The following B3GALT1 variants were observed in gnomAD, a reference collection of about 807,000 sequenced individuals.
B3GALT1 encodes the protein beta-1,3-galactosyltransferase 1.
A neutral mutation model predicts 23.2 loss-of-function variants in B3GALT1; 10 were observed. The observed-to-expected ratio is 0.43, with a 90% CI of 0.27 to 0.73. The LOEUF is 0.73. Among genes scored for constraint, B3GALT1 ranks in the 30% least tolerant of loss-of-function variants. The probability of loss-of-function intolerance (pLI) is 0.21; values close to 1 mark genes in which losing one functional copy is unlikely to be tolerated. For synonymous variants in B3GALT1, 156 were observed against 141.5 expected (o/e 1.10, Z -0.73); for missense variants, 299 against 405.4 (o/e 0.74, Z 2.25).
At chr2:167,451,452 ATTG>A (rs1436422813) in intron 1 of B3GALT1, among the ~76,000 whole-genome samples, 1 of 151,876 alleles carries the variant, frequency 6.6e-6, no homozygotes, top group Non-Finnish European at 1.5e-5. Flanking sequence ...AGCTGTAGTG[ATTG>A]TTATCTCTCT....
chr2:167,543,123 A>AG (rs1433231437), intron 2 of B3GALT1, among the ~76,000 whole-genome samples: 3 of 152,150 alleles, frequency 2.0e-5, no homozygotes, highest in East Asian at 1.9e-4. Context: ...TCAATAACAG[A>AG]GGAAAATTAC....
At chr2:167,792,699 G>A (rs1688456950) in intron 3 of B3GALT1, among the ~76,000 whole-genome samples, 1 of 152,072 alleles carries the variant, frequency 6.6e-6, no homozygotes, top group Admixed American at 6.5e-5. Context: ...AATTTGAGTG[G>A]AAAAATAATG....
chr2:167,838,659 C>A (rs1689551802), intron 4 of B3GALT1, among the ~76,000 whole-genome samples: 1 of 152,288 alleles, frequency 6.6e-6, no homozygotes, highest in South Asian at 2.1e-4. Context: ...AAGAGGGAAT[C>A]CTCCCTAACT....
At chr2:167,673,460 T>C (rs532764280) in intron 3 of B3GALT1, among the ~76,000 whole-genome samples, 2 of 152,232 alleles carry the variant, frequency 1.3e-5, no homozygotes, top group African/African-American at 4.8e-5. Flanking sequence ...GTGATAATTA[T>C]TAGATTCTGT....
chr2:167,866,747 G>T (rs1396848331), intron 4 of B3GALT1, among the ~76,000 whole-genome samples: 1 of 152,184 alleles, frequency 6.6e-6, no homozygotes, highest in East Asian at 1.9e-4. Context: ...CTAATAGGTG[G>T]CTCACAATGG....
intron 1 of B3GALT1, among the ~76,000 whole-genome samples, chr2:167,327,047 G>C (rs1485688520): frequency 6.6e-6 from 1 of 152,034 alleles, no homozygotes; most frequent in Non-Finnish European, 1.5e-5. Flanking sequence ...TGACAGGTTT[G>C]TTGAAGATCG....
intron 1 of B3GALT1, among the ~76,000 whole-genome samples, chr2:167,413,577 TC>T (rs1356924489): frequency 6.6e-6 from 1 of 152,012 alleles, no homozygotes; most frequent in Non-Finnish European, 1.5e-5. Context: ...ATGAATGCAT[TC>T]TGTTCATCTA....
At chr2:167,496,642 G>A (rs2105345732) in intron 2 of B3GALT1, among the ~76,000 whole-genome samples, 1 of 152,170 alleles carries the variant, frequency 6.6e-6, no homozygotes, top group South Asian at 2.1e-4. Flanking sequence ...AGGGTGTTAC[G>A]GACTGAAGTT....
At chr2:167,566,267 C>T (rs886632438) in intron 2 of B3GALT1, among the ~76,000 whole-genome samples, 18 of 151,634 alleles carry the variant, frequency 1.2e-4, no homozygotes, top group East Asian at 3.9e-4. Context: ...AACCAAACAC[C>T]GCATGTTCTC....
intron 3 of B3GALT1, among the ~76,000 whole-genome samples, chr2:167,663,903 T>C (rs1281757521): frequency 6.6e-6 from 1 of 151,640 alleles, no homozygotes; most frequent in Non-Finnish European, 1.5e-5. Context: ...TTCTCCCATT[T>C]TGTGGGTTGC....
chr2:167,394,059 T>C (rs1052876952), intron 1 of B3GALT1, among the ~76,000 whole-genome samples: 1 of 152,204 alleles, frequency 6.6e-6, no homozygotes, highest in Admixed American at 6.5e-5. Flanking sequence ...AGTAAGCCAT[T>C]CTTCATATTT....
chr2:167,706,310 T>C (rs1161314338), intron 3 of B3GALT1, among the ~76,000 whole-genome samples: 1 of 152,250 alleles, frequency 6.6e-6, no homozygotes, highest in Admixed American at 6.5e-5. Context: ...TGTACCTTGA[T>C]TAATTAAAAT....
At chr2:167,634,310 AC>A (rs1300905191) in intron 2 of B3GALT1, among the ~76,000 whole-genome samples, 5 of 152,210 alleles carry the variant, frequency 3.3e-5, no homozygotes, top group Admixed American at 6.5e-5. Flanking sequence ...AAGAGCAAAC[AC>A]ATTCAAAAGC....
intron 1 of B3GALT1, among the ~76,000 whole-genome samples, chr2:167,464,929 A>T (rs1699321780): frequency 6.6e-6 from 1 of 152,214 alleles, no homozygotes; most frequent in African/African-American, 2.4e-5. Flanking sequence ...CATAAATAAG[A>T]TGCTAGTTTA....
chr2:167,330,481 G>A (rs982715864), intron 1 of B3GALT1, among the ~76,000 whole-genome samples: 10 of 152,078 alleles, frequency 6.6e-5, no homozygotes, highest in Admixed American at 2.6e-4. Flanking sequence ...ATTGTGGCAC[G>A]TGCCTGTAGT....
chr2:167,325,539 C>G (rs545703797), intron 1 of B3GALT1, among the ~76,000 whole-genome samples: 99 of 152,016 alleles, frequency 6.5e-4, no homozygotes, highest in Middle Eastern at 3.4e-3. Context: ...GAAACTGCCC[C>G]CCATGATCCA....
At chr2:167,538,939 C>T (rs768795680) in intron 2 of B3GALT1, among the ~76,000 whole-genome samples, 42 of 152,118 alleles carry the variant, frequency 2.8e-4, no homozygotes, top group Non-Finnish European at 4.9e-4. Flanking sequence ...AATTGTACCT[C>T]ACATTCTGTG....
intron 1 of B3GALT1, among the ~76,000 whole-genome samples, chr2:167,359,955 C>T (rs934312807): frequency 2.0e-5 from 3 of 152,090 alleles, no homozygotes; most frequent in Non-Finnish European, 4.4e-5. Context: ...TGATGAAAAA[C>T]ACTCAAAATT....
At chr2:167,843,393 G>A (rs1689689147) in intron 4 of B3GALT1, among the ~76,000 whole-genome samples, 1 of 152,088 alleles carries the variant, frequency 6.6e-6, no homozygotes, top group African/African-American at 2.4e-5. Flanking sequence ...TTGACCAGAT[G>A]CCCAGAAGGA....
Sources: allele counts gnomAD v4.1 joint callset (sites outside exome capture counted in the v4.1 genomes callset), GRCh38; gene constraint gnomAD v4.1.1; transcripts MANE v1.5; gene names NCBI Gene and HGNC (gene_info 2026-07-23, HGNC 2026-07-21).